Variants in ADRA1A observed in about 807,000 individuals in gnomAD.
ADRA1A encodes alpha-1A adrenergic receptor.
A neutral mutation model predicts 29.6 loss-of-function variants in ADRA1A; 31 were observed. The observed-to-expected ratio is 1.05, with a 90% CI of 0.79 to 1.41. The LOEUF is 1.41. Among genes scored for constraint, ADRA1A ranks in the 40% most tolerant of loss-of-function variants. The pLI is 0.00. For synonymous variants in ADRA1A, 311 were observed against 254.3 expected (o/e 1.22, Z -2.12); for missense variants, 619 against 601.1 (o/e 1.03, Z -0.31).
intron 2 of ADRA1A, among the ~76,000 whole-genome samples, chr8:26,812,629 TTTTATTTATTTATTTA>T (rs142175703): frequency 6.8e-6 from 1 of 147,130 alleles, no homozygotes; most frequent in East Asian, 2.0e-4. Context: ...GCCTTTTTAT[TTTTATTTATTTATTTA>T]TTTATTTATT....
Position 26,769,952 on chromosome 8 carries a change from T to C in ADRA1A, c.*197A>G. The C allele has an allele frequency of 1.5e-6, 2 of 1,368,480 alleles. No individual in the cohort carries two copies. The highest frequency in any genetic ancestry group is 1.9e-6 in the Non-Finnish European group (2 of 1,064,934). 84.8% of individuals were successfully genotyped at this position (1,368,480 alleles called of 1,614,324 possible). The stretch of plus-strand genomic sequence containing the variant: ...AATGCTGTTCCGTATCATTCTGAAC[T>C]GGTTGGTTGTGAGACACCCTCCCTC... On this transcript the variant is annotated 3_prime_UTR_variant, in exon 3 of 3. Transcript: ENST00000380573.
At position 26,795,063 on chromosome 8, in the gene ADRA1A, G is replaced by C. The variant is rs535687503; in HGVS notation, c.884-24397C>G. 5.3e-5 allele frequency among the ~76,000 whole-genome samples: 8 copies of C among 152,164 alleles called. No homozygotes were observed. The East Asian group carries it at 1.4e-3, about 26-fold the overall frequency. The stretch of plus-strand genomic sequence containing the variant: ...AAACTAAGAAACAATGATCAGGGCA[G>C]TTGCAATGAATATTCCATTAGATTG... On this transcript the variant is annotated intron_variant, in intron 2 of 2. Coordinates refer to ENST00000380573, the MANE Select transcript of ADRA1A (RefSeq NM_000680.4).
At chr8:26,795,224 G>A (rs369693428) in intron 2 of ADRA1A, among the ~76,000 whole-genome samples, 1 of 152,012 alleles carries the variant, frequency 6.6e-6, no homozygotes, top group East Asian at 1.9e-4. Flanking sequence ...CTGCAGTATC[G>A]TGTCAAAAGA....
At chr8:26,836,048 G>A (rs1461413680) in intron 2 of ADRA1A, 2 of 162,618 alleles carry the variant, frequency 1.2e-5, no homozygotes, top group Non-Finnish European at 2.7e-5. Flanking sequence ...GAGCAGGGCA[G>A]AAGAACTTGT....
intron 2 of ADRA1A, among the ~76,000 whole-genome samples, chr8:26,851,261 G>A (rs1812608694): frequency 6.6e-6 from 1 of 152,060 alleles, no homozygotes; most frequent in Non-Finnish European, 1.5e-5. Flanking sequence ...GGTGGGTGGT[G>A]GAGTAACAGA....
In ADRA1A at chr8:26,859,861, G is replaced by A. The variant is rs371626332; in HGVS notation, c.883+4226C>T. ...CAGCTCACTGCAACCTCTGTCTCCCGGGTTCAAGCGATTCTCCAGCCTCAG... is the reference window on the plus strand; with the variant it reads ...CAGCTCACTGCAACCTCTGTCTCCCAGGTTCAAGCGATTCTCCAGCCTCAG... On this transcript the variant is annotated intron_variant, in intron 2 of 2. Coordinates refer to ENST00000380573, the MANE Select transcript of ADRA1A (RefSeq NM_000680.4). Among the ~76,000 whole-genome samples, 22 of 151,538 alleles carry A rather than the reference G, an allele frequency of 1.5e-4. No individual in the cohort carries two copies. The South Asian group carries it at 2.1e-3, about 14-fold the overall frequency.
At chr8:26,809,209 A>G (rs1320006290) in intron 2 of ADRA1A, among the ~76,000 whole-genome samples, 3 of 152,120 alleles carry the variant, frequency 2.0e-5, no homozygotes, top group African/African-American at 7.2e-5. Context: ...AATTTGAACT[A>G]TTGTCCAGAT....
intron 2 of ADRA1A, among the ~76,000 whole-genome samples, chr8:26,759,061 G>A (rs998841925): frequency 2.0e-5 from 3 of 152,178 alleles, no homozygotes; most frequent in Non-Finnish European, 4.4e-5. Context: ...TTCGTTGTCA[G>A]GAATATTGGA....
Position 26,768,820 on chromosome 8 carries a change from A to G in ADRA1A, c.*1329T>C. 1.2e-6 allele frequency: 1 copy of G among 832,052 alleles called. No individual in the cohort carries two copies. Among genetic ancestry groups the G allele is most frequent in the Non-Finnish European group, 1.4e-6 (1 of 690,482 alleles). The allele number at this position is 832,052 out of a possible 1,614,324, so 51.5% of individuals were successfully genotyped here. On this transcript the variant is annotated 3_prime_UTR_variant, in exon 3 of 3. Transcript: ENST00000380573. ...AGATACACAAGTTCTGTACTGAGTTATTATGGTTTACCAAAATTTGGTATA... is the reference window on the plus strand; with the variant it reads ...AGATACACAAGTTCTGTACTGAGTTGTTATGGTTTACCAAAATTTGGTATA...
intron 2 of ADRA1A, among the ~76,000 whole-genome samples, chr8:26,847,758 T>C (rs1812320928): frequency 6.6e-6 from 1 of 152,164 alleles, no homozygotes; most frequent in African/African-American, 2.4e-5. Flanking sequence ...ACCACACTTC[T>C]TCCCAAACTT....
At chr8:26,855,466 A>G (rs1170742386) in intron 2 of ADRA1A, among the ~76,000 whole-genome samples, 1 of 152,114 alleles carries the variant, frequency 6.6e-6, no homozygotes, top group African/African-American at 2.4e-5. Flanking sequence ...AAAAGCACAG[A>G]TAGGAAATTT....
In ADRA1A at chr8:26,796,548, GC is replaced by G. The variant is rs1808202731; in HGVS notation, c.884-25883del. 6.6e-6 allele frequency among the ~76,000 whole-genome samples: 1 copy of G among 152,062 alleles called. No individual in the cohort carries two copies. Among genetic ancestry groups the G allele is most frequent in the African/African-American group, 2.4e-5 (1 of 41,410 alleles). On this transcript the variant is annotated intron_variant, in intron 2 of 2. Transcript: ENST00000380573. The surrounding 1 kb of genome is among the most constrained non-coding windows in gnomAD (Gnocchi z 5.0). ...GGTAGAAATCCTATGGTAATTCACA[GC>G]CTACAGTACCGTGAAGACAAGGAGG... is the stretch of plus-strand genomic sequence containing the variant.
rs1204580817 is a variant in ADRA1A, at chr8:26,821,841, G to A, written c.883+42246C>T. ...ATTTCAAGAATGTTATGTAAATAGA[G>A]TCATACAGTATGCAATCATTTTGGG... On this transcript the variant is annotated intron_variant, in intron 2 of 2. Transcript: ENST00000380573. This position sits in a 1 kb window ranked among gnomAD's most constrained non-coding sequence, Gnocchi z 5.6. 2.6e-5 allele frequency among the ~76,000 whole-genome samples: 4 copies of A among 152,148 alleles called. No individual in the cohort carries two copies. The highest frequency in any genetic ancestry group is 2.0e-4 in the Admixed American group (3 of 15,274).
Position 26,769,435 on chromosome 8 carries a change from C to T in ADRA1A, c.*714G>A, listed in dbSNP as rs1805976281. ...TGTTTTCTCTTGGGAAAAGCCATAC[C>T]ACCCTGGTTGGTTCTTTCAACCCTC... On this transcript the variant is annotated 3_prime_UTR_variant, in exon 3 of 3. Coordinates refer to ENST00000380573, the MANE Select transcript of ADRA1A (RefSeq NM_000680.4). 2.0e-6 allele frequency: 2 copies of T among 985,244 alleles called. No homozygotes were observed. The highest frequency in any genetic ancestry group is 5.2e-4 in the Middle Eastern group (1 of 1,936). The allele number at this position is 985,244 out of a possible 1,614,324, so 61.0% of individuals were successfully genotyped here.
chr8:26,756,374 A>G, downstream of ADRA1A: 9 of 1,213,102 alleles, frequency 7.4e-6, no homozygotes, highest in Non-Finnish European at 9.5e-6. Context: ...TATTGAAGAA[A>G]CTGGGGTGCC....
At chr8:26,757,579 T>A (rs890893148) in intron 2 of ADRA1A, among the ~76,000 whole-genome samples, 1 of 150,714 alleles carries the variant, frequency 6.6e-6, no homozygotes, top group African/African-American at 2.4e-5. Context: ...TATGCTTCAA[T>A]GTAGCATGAG....
downstream of ADRA1A, chr8:26,765,871 G>C: frequency 7.1e-7 from 1 of 1,409,486 alleles, no homozygotes; most frequent in East Asian, 2.5e-5. Flanking sequence ...AAAATTGCCT[G>C]CCCAAGCAAA....
In ADRA1A at chr8:26,865,579, G is replaced by A; in HGVS notation, c.-610C>T. Reference sequence around the variant, plus strand: ...CTCCTGCTCTCTCCAGCTTCTAGGAGCACAGGTCAGGGGACGTAGGTGTGG... The same window carrying A: ...CTCCTGCTCTCTCCAGCTTCTAGGAACACAGGTCAGGGGACGTAGGTGTGG... On this transcript the variant is annotated 5_prime_UTR_variant, in exon 2 of 3. Coordinates refer to ENST00000380573, the MANE Select transcript of ADRA1A (RefSeq NM_000680.4). This position sits in a 1 kb window ranked among gnomAD's most constrained non-coding sequence, Gnocchi z 7.6. 2 of 989,242 alleles carry A rather than the reference G, an allele frequency of 2.0e-6. No homozygotes were observed. The highest frequency in any genetic ancestry group is 2.4e-6 in the Non-Finnish European group (2 of 832,572). 61.3% of individuals were successfully genotyped at this position (989,242 alleles called of 1,614,324 possible). A position where few individuals can be genotyped will look rare whatever the true frequency, so the allele number is the denominator to read the frequency against.
intron 2 of ADRA1A, among the ~76,000 whole-genome samples, chr8:26,783,361 G>T (rs1300571617): frequency 6.6e-6 from 1 of 152,134 alleles, no homozygotes; most frequent in Non-Finnish European, 1.5e-5. Context: ...GTGATCATTT[G>T]CGTGACTGTT....
Sources: gnomAD v4.1 joint callset for allele counts (sites outside exome capture counted in the v4.1 genomes callset) on GRCh38, gnomAD v4.1.1 for gene constraint, Gnocchi (gnomAD v3.1) non-coding constraint, MANE v1.5 for transcripts, NCBI Gene and HGNC (gene_info 2026-07-23, HGNC 2026-07-21) for gene names.